Variants in WASHC2C observed in about 807,000 individuals in gnomAD.
The protein encoded by WASHC2C is WASH complex subunit 2C, also known as Vaccinia Penetration Factor.
In WASHC2C, 73 loss-of-function variants were observed where a neutral mutation model predicts 142.2. The observed-to-expected ratio is 0.51, with a 90% CI of 0.43 to 0.62. WASHC2C has a LOEUF of 0.62. Among genes scored for constraint, WASHC2C ranks in the 20% least tolerant of loss-of-function variants. The pLI is 0.00. For synonymous variants in WASHC2C, 337 were observed against 565.5 expected (o/e 0.60, Z 5.73); for missense variants, 969 against 1,531.7 (o/e 0.63, Z 6.13).
At chr10:45,746,762 A>T in intron 8 of WASHC2C, 115 bp downstream of exon 8, 1 of 1,433,134 alleles carries the variant, frequency 7.0e-7, no homozygotes, top group East Asian at 2.3e-5. Flanking sequence ...TCATGTATAC[A>T]ATTTATTTTC....
rs2058095873 is a variant in WASHC2C, at chr10:45,787,067, G to C, written c.2907G>C (p.Leu969=). Residue 969 remains leucine, a synonymous_variant, in exon 28 of 31, where the codon CTG becomes CTC. Transcript: ENST00000623400. The part of the protein sequence containing the change: ...ANLAINPAAL[L]PTAASQISEV... ...TAGCGATCAACCCAGCGGCCTTGCT[G>C]CCCACAGCGGCTTCCCAGATCTCTG... 1.2e-6 allele frequency: 2 copies of C among 1,609,164 alleles called. No homozygotes were observed. Among genetic ancestry groups the C allele is most frequent in the Non-Finnish European group, 1.7e-6 (2 of 1,178,762 alleles).
At chr10:45,746,682 C>T in intron 8 of WASHC2C, 35 bp downstream of exon 8, 3 of 1,610,096 alleles carry the variant, frequency 1.9e-6, no homozygotes, top group Non-Finnish European at 2.5e-6. Context: ...TTTGTTTTTA[C>T]ATTTTAATTG....
chr10:45,768,954 C>T (rs2056269127), intron 19 of WASHC2C, among the ~76,000 whole-genome samples: 1 of 151,946 alleles, frequency 6.6e-6, no homozygotes, highest in African/African-American at 2.4e-5. Context: ...TCTGTGAGGT[C>T]AGAGAGCCCA....
At chr10:45,781,224 A>G (rs2057477891) in intron 23 of WASHC2C, among the ~76,000 whole-genome samples, 1 of 152,208 alleles carries the variant, frequency 6.6e-6, no homozygotes, top group East Asian at 1.9e-4. Context: ...TAAAGACCTA[A>G]AATTGATGGA....
intron 19 of WASHC2C, among the ~76,000 whole-genome samples, chr10:45,768,234 G>GAAAAA (rs1169870861): frequency 1.7e-4 from 13 of 76,462 alleles, no homozygotes; most frequent in South Asian, 4.4e-4. Context: ...CTCGAAAAAG[G>GAAAAA]AAAAAAAAAA....
In WASHC2C at chr10:45,728,968, G is replaced by T; in HGVS notation, c.233G>T (p.Arg78Leu). ...CGGGAAACCAAAGCCACAGATTGTC[G>T]CCTGCATAATGTCTTCAATGACTTC... The part of the protein sequence containing the change: ...LIRETKATDC[R>L]LHNVFNDFLM... Residue 78 changes from arginine to leucine, a missense_variant, in exon 3 of 31, where the codon CGC becomes CTC. Coordinates refer to ENST00000623400, the MANE Select transcript of WASHC2C (RefSeq NM_001330074.2). The T allele has an allele frequency of 6.2e-7, 1 of 1,613,904 alleles. No individual in the cohort carries two copies. Among genetic ancestry groups the T allele is most frequent in the Middle Eastern group, 1.7e-4 (1 of 6,056 alleles).
At chr10:45,791,587 A>G (rs1187282332) in intron 30 of WASHC2C, among the ~76,000 whole-genome samples, 1 of 145,870 alleles carries the variant, frequency 6.9e-6, no homozygotes, top group Non-Finnish European at 1.5e-5. Context: ...ATTTCTTTAT[A>G]TTTAGCCATT....
intron 25 of WASHC2C, among the ~76,000 whole-genome samples, chr10:45,785,181 G>A (rs1297267593): frequency 6.6e-6 from 1 of 152,206 alleles, no homozygotes; most frequent in Non-Finnish European, 1.5e-5. Flanking sequence ...TTGATTGAAA[G>A]ACCATTGCAT....
rs2058435947 is a variant in WASHC2C at position 45,792,269 on chromosome 10, T to A, written c.3895T>A (p.Phe1299Ile). The A allele has an allele frequency of 5.8e-6, 9 of 1,563,858 alleles. 1 individual carries two copies. Among genetic ancestry groups the A allele is most frequent in the Middle Eastern group, 2.3e-4 (1 of 4,360 alleles). Residue 1299 changes from phenylalanine to isoleucine, a missense_variant, in exon 31 of 31, where the codon TTC becomes ATC. Transcript: ENST00000623400. Reference sequence around the variant, plus strand: ...CTTTTTTCTTTCTAAAGATGACATCTTCTCCACTGGTATCCAGGCTAAGAC... The same window carrying A: ...CTTTTTTCTTTCTAAAGATGACATCATCTCCACTGGTATCCAGGCTAAGAC... ...SIFDDDMDDI[F>I]STGIQAKTTK... is the part of the protein sequence containing the mutation.
chr10:45,738,143 T>A, intron 4 of WASHC2C, 98 bp downstream of exon 4: 1 of 1,610,598 alleles, frequency 6.2e-7, no homozygotes, highest in Admixed American at 1.7e-5. Context: ...TGGGTGGGGT[T>A]GGGAAAGGGA....
At chr10:45,789,597 T>C (rs2058274492) in intron 29 of WASHC2C, 106 bp downstream of exon 29, 1 of 1,499,436 alleles carries the variant, frequency 6.7e-7, no homozygotes, top group Non-Finnish European at 9.1e-7. Context: ...GCATACCCCA[T>C]AGCCACTTGC....
intron 3 of WASHC2C, among the ~76,000 whole-genome samples, chr10:45,734,097 C>T (rs1434826871): frequency 7.2e-5 from 11 of 151,928 alleles, no homozygotes; most frequent in Non-Finnish European, 1.3e-4. Flanking sequence ...TGGTGGCAGG[C>T]GCCTGTAGTC....
chr10:45,787,807 T>C (rs2058154863), intron 28 of WASHC2C, among the ~76,000 whole-genome samples: 1 of 152,230 alleles, frequency 6.6e-6, no homozygotes, highest in Admixed American at 6.5e-5. Context: ...TCCACAGCTG[T>C]GCTTCCACAT....
intron 8 of WASHC2C, among the ~76,000 whole-genome samples, chr10:45,747,367 C>A (rs1554871619): frequency 1.3e-5 from 2 of 152,108 alleles, no homozygotes; most frequent in Non-Finnish European, 2.9e-5. Context: ...TGGTCTCGAG[C>A]TCCTGACCTC....
At chr10:45,772,378 G>C (rs1371653750) in intron 20 of WASHC2C, among the ~76,000 whole-genome samples, 3 of 152,154 alleles carry the variant, frequency 2.0e-5, no homozygotes, top group Non-Finnish European at 4.4e-5. Context: ...CACTTTAAAA[G>C]AGTGAATCTG....
chr10:45,757,209 G>T lies in WASHC2C; in HGVS notation c.1548+70G>T, dbSNP rs2054417480. ...ATTTTAATAATTCATCCGGAACCCA[G>T]AGGGAAGTACTGTTCCCTTTCACGT... On this transcript the variant is annotated intron_variant, in intron 16 of 30. Coordinates refer to ENST00000623400, the MANE Select transcript of WASHC2C (RefSeq NM_001330074.2). 13 of 1,609,866 alleles carry T rather than the reference G, an allele frequency of 8.1e-6. 1 individual carries two copies. The East Asian group carries it at 2.9e-4, about 36-fold the overall frequency.
chr10:45,746,780 C>T, intron 8 of WASHC2C, 133 bp downstream of exon 8: 3 of 1,309,846 alleles, frequency 2.3e-6, no homozygotes, highest in Non-Finnish European at 3.2e-6. Context: ...TTCCTTTAAG[C>T]ATTTCATGTA....
intron 13 of WASHC2C, 111 bp from the exon 14 acceptor site, chr10:45,754,375 T>C: frequency 6.4e-7 from 1 of 1,568,938 alleles, no homozygotes; most frequent in Non-Finnish European, 8.6e-7. Flanking sequence ...AAAAAGTAGT[T>C]TCAAAAGGTC....
chr10:45,791,134 A>AG (rs71023149), intron 30 of WASHC2C, among the ~76,000 whole-genome samples: 149,940 of 151,908 alleles, frequency 0.99, 74,034 homozygotes, highest in East Asian at 1. Flanking sequence ...CTGTGGGCTG[A>AG]GCCACATACA....
Sources: allele counts gnomAD v4.1 joint callset (sites outside exome capture counted in the v4.1 genomes callset), GRCh38; gene constraint gnomAD v4.1.1; transcripts MANE v1.5; gene names NCBI Gene and HGNC (gene_info 2026-07-23, HGNC 2026-07-21).